The following SESN3 variants were observed in gnomAD, a reference collection of about 807,000 sequenced individuals.
SESN3 encodes sestrin 3.
A neutral mutation model predicts 55.3 loss-of-function variants in SESN3; 21 were observed. The ratio of observed to expected loss-of-function variants is 0.38; its 90% confidence interval spans 0.27 to 0.55. The LOEUF is 0.55. Ranked by LOEUF, SESN3 falls within the 20% of genes least tolerant of loss-of-function variation. The pLI is 0.76. For missense variants in SESN3, 408 were observed against 604.3 expected, an observed-to-expected ratio of 0.68 and a Z score of 3.41; for synonymous variants, 181 against 203.1, an observed-to-expected ratio of 0.89 and a Z score of 0.93.
rs550134376 is a variant in SESN3 at position 95,166,399 on chromosome 11, C to T, written c.*6856G>A. ...GTATTAATACTGATGAATTAAAGAGCTATAACAGACATTTCACAGCATGCT... is the reference window on the plus strand; with the variant it reads ...GTATTAATACTGATGAATTAAAGAGTTATAACAGACATTTCACAGCATGCT... On this transcript the variant is annotated 3_prime_UTR_variant, in exon 10 of 10. Coordinates refer to ENST00000536441, the MANE Select transcript of SESN3 (RefSeq NM_144665.4). 6.6e-6 allele frequency: 1 copy of T among 152,192 alleles called. No homozygotes were observed. The highest frequency in any genetic ancestry group is 1.9e-4 in the East Asian group (1 of 5,174). 9.4% of individuals were successfully genotyped at this position (152,192 alleles called of 1,614,324 possible).
intron 1 of SESN3, among the ~76,000 whole-genome samples, chr11:95,194,248 CCTT>C (rs1290755363): frequency 1.3e-5 from 2 of 151,964 alleles, no homozygotes; most frequent in Non-Finnish European, 2.9e-5. Flanking sequence ...AGAATAGGGT[CCTT>C]CTTCTCACCC....
rs563322416 is a variant in SESN3 at position 95,167,475 on chromosome 11, C to CCCATATATAT, written c.*5779_*5780insATATATATGG. ...TCAGATATTCATTCTGTTTCCCCCC[C>CCCATATATAT]ATATATATAATTTTTCATTCTGTAC... On this transcript the variant is annotated 3_prime_UTR_variant, in exon 10 of 10. Coordinates refer to ENST00000536441, the MANE Select transcript of SESN3 (RefSeq NM_144665.4). 7.3e-5 allele frequency: 11 copies of CCCATATATAT among 150,824 alleles called. No individual in the cohort carries two copies. Among genetic ancestry groups the CCCATATATAT allele is most frequent in the African/African-American group, 2.7e-4 (11 of 40,224 alleles). 9.3% of individuals were successfully genotyped at this position (150,824 alleles called of 1,614,324 possible). A position where few individuals can be genotyped will look rare whatever the true frequency, so the allele number is the denominator to read the frequency against.
In SESN3 at chr11:95,225,153, A is replaced by C. The variant is rs553421410; in HGVS notation, c.78+5630T>G. On this transcript the variant is annotated intron_variant, in intron 1 of 9. Transcript: ENST00000536441. ...ATAACGGTTTGGTGCCACTAACCTG[A>C]TTAATACTAAGGGGCTAGCATAGTT... Among the ~76,000 whole-genome samples, 5 of 152,326 alleles carry C rather than the reference A, an allele frequency of 3.3e-5. No homozygotes were observed. The East Asian group carries it at 9.6e-4, about 29-fold the overall frequency.
rs751556180 is a variant in SESN3 at position 95,230,747 on chromosome 11, G to A, written c.78+36C>T. 1.9e-6 allele frequency: 3 copies of A among 1,554,420 alleles called. No individual in the cohort carries two copies. Among genetic ancestry groups the A allele is most frequent in the Non-Finnish European group, 2.6e-6 (3 of 1,136,602 alleles). ...GCCCGAGCCCCGGCCGGCAGGAAGCGACCCTCGCCGGCAGGACCCCGGGCC... is the reference window on the plus strand; with the variant it reads ...GCCCGAGCCCCGGCCGGCAGGAAGCAACCCTCGCCGGCAGGACCCCGGGCC... On this transcript the variant is annotated intron_variant, in intron 1 of 9. Transcript: ENST00000536441. This position sits in a 1 kb window ranked among gnomAD's most constrained non-coding sequence, Gnocchi z 4.6.
chr11:95,225,873 C>T (rs1860938529), intron 1 of SESN3, among the ~76,000 whole-genome samples: 1 of 152,080 alleles, frequency 6.6e-6, no homozygotes, highest in South Asian at 2.1e-4. Context: ...TTTTCCTTAA[C>T]TCTTAGTCTT....
intron 6 of SESN3, among the ~76,000 whole-genome samples, chr11:95,181,933 A>G (rs1483331566): frequency 6.6e-6 from 1 of 152,096 alleles, no homozygotes; most frequent in African/African-American, 2.4e-5. Context: ...TTAAGAGTGA[A>G]ATATGTATTT....
At chr11:95,199,641 C>A (rs1860425820) in intron 1 of SESN3, among the ~76,000 whole-genome samples, 1 of 151,628 alleles carries the variant, frequency 6.6e-6, no homozygotes, top group Admixed American at 6.6e-5. Flanking sequence ...AGACTGACTT[C>A]CAAAGAAAAT....
At chr11:95,182,139 T>C (rs1860069532) in intron 6 of SESN3, 1 of 326,992 alleles carries the variant, frequency 3.1e-6, no homozygotes, top group Non-Finnish European at 6.0e-6. Flanking sequence ...AGGTAGAGAC[T>C]GAAATCCAAA....
Position 95,193,526 on chromosome 11 carries a change from T to C in SESN3, c.79-4A>G. On this transcript the variant is annotated splice_polypyrimidine_tract_variant and splice_region_variant and intron_variant, in intron 1 of 9. Coordinates refer to ENST00000536441, the MANE Select transcript of SESN3 (RefSeq NM_144665.4). ...GAGACACTCTGATTCTTTTATCCTA[T>C]TTTTAAAAGAAAAGTTTTATGTATC... The C allele has an allele frequency of 6.4e-7, 1 of 1,562,862 alleles. No individual in the cohort carries two copies. The highest frequency in any genetic ancestry group is 1.4e-5 in the African/African-American group (1 of 73,732).
At chr11:95,221,673 A>G (rs1418757657) in intron 1 of SESN3, among the ~76,000 whole-genome samples, 2 of 152,240 alleles carry the variant, frequency 1.3e-5, no homozygotes, top group Non-Finnish European at 2.9e-5. Context: ...TTATTCACAT[A>G]TGATATTTTC....
intron 9 of SESN3, among the ~76,000 whole-genome samples, 189 bp from the exon 10 acceptor site, chr11:95,173,530 A>G (rs1452535513): frequency 6.6e-6 from 1 of 152,192 alleles, no homozygotes; most frequent in Non-Finnish European, 1.5e-5. Context: ...AGTAAAAATA[A>G]CCCATAAAAT....
At chr11:95,186,241 T>TGTGTGTGTGG (rs1209278155) in intron 4 of SESN3, among the ~76,000 whole-genome samples, 2 of 136,184 alleles carry the variant, frequency 1.5e-5, no homozygotes, top group Non-Finnish European at 3.2e-5. Context: ...TGTGTGTGTG[T>TGTGTGTGTGG]GGTGTATGTA....
intron 1 of SESN3, among the ~76,000 whole-genome samples, chr11:95,208,582 T>C (rs1421833199): frequency 1.3e-5 from 2 of 151,412 alleles, no homozygotes; most frequent in Non-Finnish European, 1.5e-5. Context: ...TTAAATTTCA[T>C]ATGGAACCAA....
At position 95,178,817 on chromosome 11, in the gene SESN3, C is replaced by A; in HGVS notation, c.949G>T (p.Asp317Tyr). The A allele has an allele frequency of 1.3e-6, 2 of 1,588,936 alleles. No homozygotes were observed. Among genetic ancestry groups the A allele is most frequent in the Non-Finnish European group, 1.7e-6 (2 of 1,157,442 alleles). Residue 317 changes from aspartate (D) to tyrosine (Y), a missense_variant, in exon 7 of 10, where the codon GAC becomes TAC. Physicochemically the swap from Asp to Tyr is radical, Grantham distance 160. This residue lies in a region of SESN3 where 119 missense variants were observed against 139.9 expected (regional missense o/e 0.85). Coordinates refer to ENST00000536441, the MANE Select transcript of SESN3 (RefSeq NM_144665.4). ...HSFPHSDFEDDMIITSDVSRY... is the reference protein window; with the variant it reads ...HSFPHSDFEDYMIITSDVSRY... Reference sequence around the variant, plus strand: ...GAGACATCAGATGTTATAATCATGTCATCCTCAAAATCTAAGGACAATAAT... The same window carrying A: ...GAGACATCAGATGTTATAATCATGTAATCCTCAAAATCTAAGGACAATAAT...
At chr11:95,178,603 T>TTA (rs1313997439) in intron 7 of SESN3, 107 bp downstream of exon 7, 7 of 716,362 alleles carry the variant, frequency 9.8e-6, no homozygotes, top group African/African-American at 1.8e-5. Context: ...ATACAAAGAT[T>TTA]TATAGATTCT....
chr11:95,174,216 G>A (rs370644127), intron 9 of SESN3, among the ~76,000 whole-genome samples: 25 of 152,128 alleles, frequency 1.6e-4, no homozygotes, highest in Non-Finnish European at 2.8e-4. Context: ...GTTTATTAGC[G>A]AATGTTTCCT....
intron 1 of SESN3, chr11:95,204,993 C>T (rs1860522453): frequency 6.6e-6 from 1 of 152,132 alleles, no homozygotes; most frequent in African/African-American, 2.4e-5. Flanking sequence ...CCTCACTCTG[C>T]CTGCAAGAGT....
In SESN3 at chr11:95,231,173, G is replaced by GCCA. The variant is rs905022222; in HGVS notation, c.-316_-314dup. On this transcript the variant is annotated 5_prime_UTR_variant, in exon 1 of 10. Coordinates refer to ENST00000536441, the MANE Select transcript of SESN3 (RefSeq NM_144665.4). ...ACGAGCAGCCGCCACCGCTGCCACC[G>GCCA]CCACCACCGCCGCCGCAGCGCCTCA... 2.6e-5 allele frequency: 7 copies of GCCA among 272,874 alleles called. No homozygotes were observed. The highest frequency in any genetic ancestry group is 1.7e-4 in the African/African-American group (6 of 35,578). The allele number at this position is 272,874 out of a possible 1,614,324, so 16.9% of individuals were successfully genotyped here.
At chr11:95,211,910 A>G (rs1004567764) in intron 1 of SESN3, among the ~76,000 whole-genome samples, 5 of 152,212 alleles carry the variant, frequency 3.3e-5, no homozygotes, top group South Asian at 2.1e-4. Context: ...AAAACTATCA[A>G]TTGGCTCAAA....
Sources: gnomAD v4.1 joint callset for allele counts (sites outside exome capture counted in the v4.1 genomes callset) on GRCh38, gnomAD v4.1.1 for gene constraint, gnomAD v4.1.1 regional missense constraint, Gnocchi (gnomAD v3.1) non-coding constraint, MANE v1.5 for transcripts, NCBI Gene and HGNC (gene_info 2026-07-23, HGNC 2026-07-21) for gene names.